TMEM132D: variants seen among roughly 807,000 people sequenced by gnomAD.
TMEM132D encodes mature OL transmembrane protein.
In TMEM132D, 21 loss-of-function variants were observed where a neutral mutation model predicts 62.3. The ratio of observed to expected loss-of-function variants is 0.34; its 90% CI spans 0.24 to 0.49. The LOEUF (loss-of-function observed/expected upper bound fraction) is 0.49. TMEM132D is among the 20% of genes least tolerant of loss of function. The pLI, the probability that TMEM132D is intolerant of heterozygous loss-of-function variation, is 0.99. For missense variants in TMEM132D, 1,346 were observed against 1,402.8 expected (o/e 0.96, Z 0.65); for synonymous variants, 621 against 575.6 (o/e 1.08, Z -1.13).
At chr12:129,895,883 T>C (rs936671099) in intron 1 of TMEM132D, among the ~76,000 whole-genome samples, 2 of 151,348 alleles carry the variant, frequency 1.3e-5, no homozygotes. Flanking sequence ...CCTGGGAAGA[T>C]AGGTTCTTCC....
intron 3 of TMEM132D, among the ~76,000 whole-genome samples, chr12:129,424,871 C>A (rs1470299946): frequency 1.3e-5 from 2 of 152,126 alleles, no homozygotes; most frequent in African/African-American, 4.8e-5. Flanking sequence ...ACTTGTAAAA[C>A]CATCATCCTA....
At chr12:129,244,406 A>AAAAAAAAAAAAAC (rs1555240904) in intron 4 of TMEM132D, among the ~76,000 whole-genome samples, 1 of 146,196 alleles carries the variant, frequency 6.8e-6, no homozygotes, top group African/African-American at 2.5e-5. Context: ...AAAAAAAAAA[A>AAAAAAAAAAAAAC]AAACAAACAA....
At chr12:129,319,937 T>C (rs1335828300) in intron 4 of TMEM132D, among the ~76,000 whole-genome samples, 2 of 152,228 alleles carry the variant, frequency 1.3e-5, no homozygotes. Flanking sequence ...TGATGGACTG[T>C]GTCCAGTGAG....
chr12:129,746,867 G>A (rs1374203127), intron 1 of TMEM132D, among the ~76,000 whole-genome samples: 1 of 151,968 alleles, frequency 6.6e-6, no homozygotes, highest in Non-Finnish European at 1.5e-5. Flanking sequence ...GCTCAGCGAC[G>A]GTCATTCTCT....
chr12:129,632,198 G>A (rs1197207406), intron 2 of TMEM132D, among the ~76,000 whole-genome samples: 2 of 152,110 alleles, frequency 1.3e-5, no homozygotes, highest in African/African-American at 2.4e-5. Context: ...ATATGTAAGC[G>A]GAGAAGCTGA....
chr12:129,343,782 A>C (rs1442214528), intron 3 of TMEM132D, among the ~76,000 whole-genome samples: 6 of 151,656 alleles, frequency 4.0e-5, no homozygotes, highest in Non-Finnish European at 8.8e-5. Flanking sequence ...AAAAAAAAAA[A>C]ACAAATGAGC....
chr12:129,836,980 T>G lies in TMEM132D; in HGVS notation c.79+66281A>C, dbSNP rs371706761. On this transcript the variant is annotated intron_variant, in intron 1 of 8. Coordinates refer to ENST00000422113, the MANE Select transcript of TMEM132D (RefSeq NM_133448.3). ...ATTTTGCAAAGCAAAGAAGAAAATG[T>G]AAATGAAAAAGAAATCTATTCTTAA... is the stretch of plus-strand genomic sequence containing the variant. Among the ~76,000 whole-genome samples the G allele has an allele frequency of 1.2e-4, 18 of 152,254 alleles. No homozygotes were observed. The East Asian group carries it at 3.3e-3, about 28-fold the overall frequency.
intron 2 of TMEM132D, among the ~76,000 whole-genome samples, chr12:129,639,382 TAAAAA>T (rs34476667): frequency 1.1e-5 from 1 of 90,512 alleles, no homozygotes; most frequent in Non-Finnish European, 2.1e-5. Flanking sequence ...GACTCTGTCT[TAAAAA>T]AAAAAAAAAA....
Position 129,086,235 on chromosome 12 carries a change from G to A in TMEM132D, c.1444-1533C>T, listed in dbSNP as rs554302806. On this transcript the variant is annotated intron_variant, in intron 5 of 8. Coordinates refer to ENST00000422113, the MANE Select transcript of TMEM132D (RefSeq NM_133448.3). ...GTGTGTGTGTGTGTGTGTGTGTTGT[G>A]GTGAGGACATTTCTTAAAATTCGTA... Among the ~76,000 whole-genome samples, 4 of 127,168 alleles carry A rather than the reference G, an allele frequency of 3.1e-5. No homozygotes were observed. The South Asian group carries it at 7.6e-4, about 24-fold the overall frequency. The allele number at this position is 127,168 out of a possible 152,430, so 83.4% of individuals were successfully genotyped here.
chr12:129,727,493 AC>A (rs1869078880), intron 1 of TMEM132D, among the ~76,000 whole-genome samples: 1 of 152,236 alleles, frequency 6.6e-6, no homozygotes, highest in South Asian at 2.1e-4. Flanking sequence ...TAATGCTGTC[AC>A]AAAATTCGAC....
chr12:129,465,331 G>A (rs10847885), intron 3 of TMEM132D, among the ~76,000 whole-genome samples: 28,925 of 152,072 alleles, frequency 0.19, 3,103 homozygotes, highest in Non-Finnish European at 0.24. Context: ...CAAACCCACA[G>A]CCAATATCAT....
intron 2 of TMEM132D, among the ~76,000 whole-genome samples, chr12:129,622,712 C>A (rs1879107120): frequency 6.6e-6 from 1 of 152,202 alleles, no homozygotes. Context: ...GGGGACCATC[C>A]ACTTCTTTTC....
At chr12:129,702,505 C>T (rs1377974529) in intron 1 of TMEM132D, among the ~76,000 whole-genome samples, 1 of 152,194 alleles carries the variant, frequency 6.6e-6, no homozygotes, top group Non-Finnish European at 1.5e-5. Context: ...TCTGGGCACC[C>T]TCTCCCCATT....
chr12:129,820,229 C>T (rs1414842972), intron 1 of TMEM132D, among the ~76,000 whole-genome samples: 3 of 152,168 alleles, frequency 2.0e-5, no homozygotes, highest in African/African-American at 4.8e-5. Context: ...AATTTAGGGG[C>T]CAGTTGTTGC....
intron 1 of TMEM132D, among the ~76,000 whole-genome samples, chr12:129,796,285 A>C (rs950361388): frequency 2.6e-5 from 4 of 152,184 alleles, no homozygotes; most frequent in Admixed American, 2.6e-4. Context: ...ATTTTTATTC[A>C]GTTTGAATCT....
chr12:129,527,527 C>A (rs1369187310), intron 3 of TMEM132D, among the ~76,000 whole-genome samples: 3 of 152,280 alleles, frequency 2.0e-5, no homozygotes, highest in African/African-American at 7.2e-5. Context: ...TCAAGTCTTG[C>A]TGGAGAACTT....
At chr12:129,862,948 C>T (rs1035714499) in intron 1 of TMEM132D, among the ~76,000 whole-genome samples, 2 of 151,880 alleles carry the variant, frequency 1.3e-5, no homozygotes, top group Non-Finnish European at 1.5e-5. Context: ...TGGAACTGAA[C>T]GGCCCTGGCT....
chr12:129,879,839 G>T (rs528281409), intron 1 of TMEM132D, among the ~76,000 whole-genome samples: 8 of 152,146 alleles, frequency 5.3e-5, no homozygotes, highest in Non-Finnish European at 1.0e-4. Context: ...AGACAACCAA[G>T]AAAACAAACG....
chr12:129,788,938 T>C (rs960134967), intron 1 of TMEM132D, among the ~76,000 whole-genome samples: 1 of 152,092 alleles, frequency 6.6e-6, no homozygotes, highest in Non-Finnish European at 1.5e-5. Context: ...CCGTGAGTGA[T>C]GGGGAACCAC....
Sources: allele counts gnomAD v4.1 joint callset (sites outside exome capture counted in the v4.1 genomes callset), GRCh38; gene constraint gnomAD v4.1.1; transcripts MANE v1.5; gene names NCBI Gene and HGNC (gene_info 2026-07-23, HGNC 2026-07-21).